Variants in RALGAPA1 observed in about 807,000 individuals in gnomAD.
The protein encoded by RALGAPA1 is ral GTPase-activating protein subunit alpha-1.
A neutral mutation model predicts 269.6 loss-of-function variants in RALGAPA1; 52 were observed. That is an observed-to-expected ratio of 0.19 (90% confidence interval 0.15 to 0.24). The LOEUF (loss-of-function observed/expected upper bound fraction) is 0.24. RALGAPA1 is among the 10% of genes least tolerant of loss of function. The pLI, the probability that RALGAPA1 is intolerant of heterozygous loss-of-function variation, is 1.00. For synonymous variants in RALGAPA1, 817 were observed against 1,008.3 expected, an observed-to-expected ratio of 0.81 and a Z score of 3.60; for missense variants, 1,917 against 3,013.9, an observed-to-expected ratio of 0.64 and a Z score of 8.52.
intron 36 of RALGAPA1, among the ~76,000 whole-genome samples, chr14:35,596,123 T>TG (rs1354836977): frequency 6.6e-6 from 1 of 152,072 alleles, no homozygotes; most frequent in Non-Finnish European, 1.5e-5. Context: ...GGAAATAGTT[T>TG]GGGGAAAAGT....
intron 30 of RALGAPA1, 107 bp downstream of exon 30, chr14:35,654,260 T>C: frequency 8.6e-7 from 1 of 1,158,296 alleles, no homozygotes; most frequent in Non-Finnish European, 1.2e-6. Flanking sequence ...AGCCATTATT[T>C]AGCTATGCAA....
chr14:35,671,273 T>C, intron 26 of RALGAPA1, 116 bp downstream of exon 26: 1 of 804,212 alleles, frequency 1.2e-6, no homozygotes, highest in Non-Finnish European at 1.9e-6. Context: ...GGAGAAGCAA[T>C]CAATTCCAAT....
chr14:35,674,058 C>T (rs1449021394), intron 24 of RALGAPA1, 122 bp downstream of exon 24: 2 of 672,128 alleles, frequency 3.0e-6, no homozygotes, highest in East Asian at 2.8e-5. Context: ...TAATGACTTC[C>T]TAAGGATACT....
intron 1 of RALGAPA1, among the ~76,000 whole-genome samples, chr14:35,778,763 T>G (rs1375091198): frequency 6.6e-6 from 1 of 152,220 alleles, no homozygotes; most frequent in South Asian, 2.1e-4. Flanking sequence ...CAGATTTCAC[T>G]CCTGTCTGTA....
intron 38 of RALGAPA1, among the ~76,000 whole-genome samples, chr14:35,571,567 C>T (rs771907094): frequency 6.6e-6 from 1 of 151,870 alleles, no homozygotes; most frequent in African/African-American, 2.4e-5. Context: ...ACCAGCTACT[C>T]GGGAGGCTGA....
chr14:35,701,645 T>C lies in RALGAPA1; in HGVS notation c.2267-1343A>G, dbSNP rs529961232. Among the ~76,000 whole-genome samples, 130 of 152,276 alleles carry C rather than the reference T, an allele frequency of 8.5e-4. 3 individuals are homozygous for C. The highest frequency in any genetic ancestry group is 7.3e-4 in the Non-Finnish European group (50 of 68,030). On this transcript the variant is annotated intron_variant, in intron 16 of 41. Transcript: ENST00000680220. ...TCATCTCACCTGAAAAACTTTTTTT[T>C]CTTTTTCTTTTTTTGAGACAGGGTC...
At chr14:35,684,805 TAACGTGGGAGCCACTGCC>T in intron 20 of RALGAPA1, 106 bp downstream of exon 20, 1 of 966,914 alleles carries the variant, frequency 1.0e-6, no homozygotes, top group Non-Finnish European at 1.5e-6. Flanking sequence ...TTTTTTTTTC[TAACGTGGGAGCCACTGCC>T]TAAGTAACAC....
At chr14:35,544,208 G>C (rs935997713) in intron 41 of RALGAPA1, among the ~76,000 whole-genome samples, 2 of 152,080 alleles carry the variant, frequency 1.3e-5, no homozygotes, top group Non-Finnish European at 2.9e-5. Flanking sequence ...AAAGATATAT[G>C]GGGGAAAAGA....
Position 35,549,599 on chromosome 14 carries a change from T to G in RALGAPA1, c.7497-365A>C, listed in dbSNP as rs969218074. On this transcript the variant is annotated intron_variant, in intron 39 of 41. Coordinates refer to ENST00000680220, the MANE Select transcript of RALGAPA1 (RefSeq NM_001346249.2). Reference sequence around the variant, plus strand: ...TCGGCCTAGGCTCATCTTATCTTGTTAATCAGCTTCCATCTGCAGATTTAC... The same window carrying G: ...TCGGCCTAGGCTCATCTTATCTTGTGAATCAGCTTCCATCTGCAGATTTAC... 2.0e-5 allele frequency among the ~76,000 whole-genome samples: 3 copies of G among 152,142 alleles called. No individual in the cohort carries two copies. In the South Asian group the frequency reaches 6.2e-4, roughly 32 times the overall value.
intron 39 of RALGAPA1, among the ~76,000 whole-genome samples, chr14:35,554,819 G>C (rs1280441876): frequency 2.0e-5 from 3 of 152,132 alleles, no homozygotes. Context: ...CCAACGCCAT[G>C]GGGACAGAGA....
chr14:35,750,085 G>T (rs1474937500), intron 9 of RALGAPA1, among the ~76,000 whole-genome samples: 2 of 152,072 alleles, frequency 1.3e-5, no homozygotes, highest in Non-Finnish European at 2.9e-5. Context: ...GTTGAAAAAG[G>T]GGGGAAGGGG....
intron 1 of RALGAPA1, among the ~76,000 whole-genome samples, chr14:35,784,331 T>C (rs2075657341): frequency 6.6e-6 from 1 of 152,120 alleles, no homozygotes; most frequent in Non-Finnish European, 1.5e-5. Context: ...TGTGATGGAC[T>C]TTGAAAAGAT....
At position 35,654,459 on chromosome 14, in the gene RALGAPA1, C is replaced by G. The variant is rs2063042834; in HGVS notation, c.5515G>C (p.Ala1839Pro). ...TGAAGCATGTTACAAGCTACGTGGGCTACTGTTTTATTAGTAAACTGCAAT... is the reference window on the plus strand; with the variant it reads ...TGAAGCATGTTACAAGCTACGTGGGGTACTGTTTTATTAGTAAACTGCAAT... ...VSLKFTNKTV[A>P]HVACNMLHML... Residue 1839 changes from alanine (A) to proline (P), a missense_variant, in exon 30 of 42, where the codon GCC (alanine) becomes CCC (proline). Ala to Pro is a conservative substitution (Grantham distance 27). This residue lies in a region of RALGAPA1 where 346 missense variants were observed against 566.1 expected (regional missense o/e 0.61). Transcript: ENST00000680220. 1 of 1,598,622 alleles carries G rather than the reference C, an allele frequency of 6.3e-7. No homozygotes were observed. The highest frequency in any genetic ancestry group is 1.4e-5 in the African/African-American group (1 of 73,966).
At chr14:35,702,621 A>G (rs1446084309) in intron 16 of RALGAPA1, among the ~76,000 whole-genome samples, 2 of 152,084 alleles carry the variant, frequency 1.3e-5, no homozygotes, top group Non-Finnish European at 1.5e-5. Context: ...ACTCATTAAA[A>G]TTGGTCAGAG....
chr14:35,703,421 A>G (rs971298509), intron 16 of RALGAPA1, among the ~76,000 whole-genome samples: 4 of 152,168 alleles, frequency 2.6e-5, no homozygotes, highest in South Asian at 2.1e-4. Flanking sequence ...CAACGCTACA[A>G]TGAGCCATGT....
chr14:35,774,866 T>TA, intron 3 of RALGAPA1, 140 bp downstream of exon 3: 1 of 646,674 alleles, frequency 1.5e-6, no homozygotes, highest in Non-Finnish European at 2.7e-6. Context: ...CAGGCATATT[T>TA]AAAAAATTTA....
intron 39 of RALGAPA1, among the ~76,000 whole-genome samples, chr14:35,565,591 T>C (rs1013461477): frequency 9.9e-5 from 15 of 152,164 alleles, no homozygotes; most frequent in African/African-American, 3.6e-4. Context: ...CTCCTACAGA[T>C]TTCGAACTTG....
At chr14:35,572,199 T>C (rs1436467855) in intron 38 of RALGAPA1, among the ~76,000 whole-genome samples, 1 of 152,170 alleles carries the variant, frequency 6.6e-6, no homozygotes, top group African/African-American at 2.4e-5. Context: ...ACTAAAAATA[T>C]AGGAATCATA....
intron 39 of RALGAPA1, among the ~76,000 whole-genome samples, chr14:35,561,080 A>T (rs191706350): frequency 1.9e-4 from 29 of 151,690 alleles, no homozygotes; most frequent in African/African-American, 7.0e-4. Context: ...ATACAAAATT[A>T]GCTGGGCGTG....
Sources: gnomAD v4.1 joint callset for allele counts (sites outside exome capture counted in the v4.1 genomes callset) on GRCh38, gnomAD v4.1.1 for gene constraint, gnomAD v4.1.1 regional missense constraint, MANE v1.5 for transcripts, NCBI Gene and HGNC (gene_info 2026-07-23, HGNC 2026-07-21) for gene names.